PDE4D: variants seen among roughly 807,000 people sequenced by gnomAD.
The protein encoded by PDE4D is 3',5'-cyclic-AMP phosphodiesterase 4D.
Under a neutral mutation model 87.4 loss-of-function variants are expected in PDE4D, and 24 were observed. The observed-to-expected ratio is 0.27, with a 90% CI of 0.20 to 0.39. The LOEUF (loss-of-function observed/expected upper bound fraction) is 0.39, where lower values mean the gene tolerates loss of function less well. Ranked by LOEUF, PDE4D falls within the 10% of genes least tolerant of loss-of-function variation. The pLI is 1.00. For synonymous variants in PDE4D, 384 were observed against 383.2 expected, an observed-to-expected ratio of 1.00 and a Z score of -0.02; for missense variants, 714 against 1,041.0, an observed-to-expected ratio of 0.69 and a Z score of 4.32.
intron 6 of PDE4D, among the ~76,000 whole-genome samples, chr5:59,013,600 A>C (rs929847202): frequency 6.6e-6 from 1 of 152,232 alleles, no homozygotes; most frequent in African/African-American, 2.4e-5. Context: ...ATCAGGAAGA[A>C]GTTGAATCCC....
chr5:59,724,077 T>C (rs1012572851), intron 1 of PDE4D, among the ~76,000 whole-genome samples: 2 of 152,090 alleles, frequency 1.3e-5, no homozygotes, highest in African/African-American at 4.8e-5. Flanking sequence ...TGAGGGATGG[T>C]GATTTTACTT....
At chr5:59,919,650 T>C (rs1754451050) in intron 3 of PDE4D, among the ~76,000 whole-genome samples, 1 of 152,218 alleles carries the variant, frequency 6.6e-6, no homozygotes, top group South Asian at 2.1e-4. Flanking sequence ...CCACTGAACC[T>C]GGTAATCATG....
At chr5:60,053,947 CT>C (rs1481903211) in intron 2 of PDE4D, among the ~76,000 whole-genome samples, 1 of 152,194 alleles carries the variant, frequency 6.6e-6, no homozygotes, top group African/African-American at 2.4e-5. Context: ...CTCATTACCA[CT>C]GGTCATTAGA....
At chr5:59,501,766 G>A (rs1158933884) in intron 1 of PDE4D, among the ~76,000 whole-genome samples, 1 of 152,100 alleles carries the variant, frequency 6.6e-6, no homozygotes, top group Admixed American at 6.6e-5. Context: ...ACTACACTGG[G>A]GAAAGACTGG....
chr5:60,382,603 T>C (rs1761940221), intron 1 of PDE4D, among the ~76,000 whole-genome samples: 1 of 152,206 alleles, frequency 6.6e-6, no homozygotes. Context: ...ATAATGTTGC[T>C]GTCAAAATCA....
chr5:59,937,870 T>C (rs992565835), intron 3 of PDE4D, among the ~76,000 whole-genome samples: 4 of 152,184 alleles, frequency 2.6e-5, no homozygotes, highest in African/African-American at 9.7e-5. Context: ...AGACCATACT[T>C]AGCTGCGATC....
At chr5:60,108,638 C>T (rs935076111) in intron 2 of PDE4D, among the ~76,000 whole-genome samples, 6 of 152,100 alleles carry the variant, frequency 3.9e-5, no homozygotes, top group Admixed American at 3.3e-4. Flanking sequence ...ACCAAAACAG[C>T]ATGGTACTGG....
At chr5:60,472,796 C>T (rs1425073936) in intron 1 of PDE4D, among the ~76,000 whole-genome samples, 2 of 152,060 alleles carry the variant, frequency 1.3e-5, no homozygotes, top group Non-Finnish European at 2.9e-5. Flanking sequence ...ACTTTTTTCA[C>T]TTTCAGTACA....
At chr5:59,919,946 T>C (rs796336388) in intron 3 of PDE4D, among the ~76,000 whole-genome samples, 8 of 152,326 alleles carry the variant, frequency 5.3e-5, no homozygotes, top group African/African-American at 1.9e-4. Context: ...CTATTTCTTC[T>C]ATGTACATGG....
intron 3 of PDE4D, among the ~76,000 whole-genome samples, chr5:59,984,772 C>G (rs1359531407): frequency 1.3e-5 from 2 of 152,070 alleles, no homozygotes; most frequent in Non-Finnish European, 2.9e-5. Flanking sequence ...AGGGGTGGTA[C>G]AAGTCTCTAG....
Position 59,157,215 on chromosome 5 carries a change from A to T in PDE4D, c.808+23380T>A, listed in dbSNP as rs935474469. 7 of 675,056 alleles carry T rather than the reference A, an allele frequency of 1.0e-5. No homozygotes were observed. In the Admixed American group the frequency reaches 1.1e-4, roughly 11 times the overall value. The allele number at this position is 675,056 out of a possible 1,614,324, so 41.8% of individuals were successfully genotyped here. ...TTCCACCAGTCAGCATAAAATGGTT[A>T]AAACTGAAGCCTAGTAAATCACTTG... is the stretch of plus-strand genomic sequence containing the variant. On this transcript the variant is annotated intron_variant, in intron 5 of 14. Coordinates refer to ENST00000340635, the MANE Select transcript of PDE4D (RefSeq NM_001104631.2).
intron 1 of PDE4D, chr5:59,586,314 A>G: frequency 6.4e-7 from 1 of 1,567,912 alleles, no homozygotes; most frequent in Non-Finnish European, 8.8e-7. Flanking sequence ...ACTGAAGGGA[A>G]TATTGATTAC....
intron 1 of PDE4D, among the ~76,000 whole-genome samples, chr5:60,478,437 G>T (rs1470979779): frequency 6.6e-6 from 1 of 152,012 alleles, no homozygotes; most frequent in Non-Finnish European, 1.5e-5. Context: ...TTCTCCTCTA[G>T]CCTCATCACA....
intron 5 of PDE4D, among the ~76,000 whole-genome samples, chr5:59,059,049 T>A (rs1762757309): frequency 6.6e-6 from 1 of 152,180 alleles, no homozygotes; most frequent in South Asian, 2.1e-4. Context: ...GACAAGGTAA[T>A]CAGAAATCTC....
At chr5:59,565,680 T>G (rs1183795605) in intron 1 of PDE4D, among the ~76,000 whole-genome samples, 1 of 152,196 alleles carries the variant, frequency 6.6e-6, no homozygotes, top group Non-Finnish European at 1.5e-5. Flanking sequence ...CTCCTTGGCT[T>G]CAAGTACAGA....
chr5:60,070,636 T>C (rs1772609667), intron 2 of PDE4D, among the ~76,000 whole-genome samples: 1 of 152,056 alleles, frequency 6.6e-6, no homozygotes, highest in South Asian at 2.1e-4. Context: ...TCTTCAGGGA[T>C]ATTGGCCTAT....
chr5:59,034,768 A>G (rs1297430585), intron 6 of PDE4D, among the ~76,000 whole-genome samples: 1 of 152,218 alleles, frequency 6.6e-6, no homozygotes, highest in African/African-American at 2.4e-5. Flanking sequence ...GTATAGAAAA[A>G]TCTGAAGTCT....
intron 1 of PDE4D, among the ~76,000 whole-genome samples, chr5:60,242,968 A>G (rs2149663043): frequency 6.6e-6 from 1 of 152,154 alleles, no homozygotes; most frequent in East Asian, 1.9e-4. Context: ...AACTAGTAGA[A>G]GAAAAAATAA....
At chr5:59,683,412 A>G (rs1220166627) in intron 1 of PDE4D, among the ~76,000 whole-genome samples, 1 of 152,254 alleles carries the variant, frequency 6.6e-6, no homozygotes, top group African/African-American at 2.4e-5. Context: ...TAATATATTA[A>G]CTTTATGGCT....
Sources: gnomAD v4.1 joint callset for allele counts (sites outside exome capture counted in the v4.1 genomes callset) on GRCh38, gnomAD v4.1.1 for gene constraint, MANE v1.5 for transcripts, NCBI Gene and HGNC (gene_info 2026-07-23, HGNC 2026-07-21) for gene names.